NKTR: variants seen among roughly 807,000 people sequenced by gnomAD.
NKTR encodes natural killer cell triggering receptor, also known as NK-tumor recognition protein.
NKTR carries 67 observed loss-of-function variants against 156.3 expected under a neutral mutation model. The ratio of observed to expected loss-of-function variants is 0.43; its 90% CI spans 0.35 to 0.53. The LOEUF (loss-of-function observed/expected upper bound fraction) is 0.53. Ranked by LOEUF, NKTR falls within the 20% of genes least tolerant of loss-of-function variation. NKTR has a pLI of 0.01. For synonymous variants in NKTR, 640 were observed against 596.6 expected, an observed-to-expected ratio of 1.07 and a Z score of -1.06; for missense variants, 1,604 against 1,730.9, an observed-to-expected ratio of 0.93 and a Z score of 1.30.
intron 2 of NKTR, among the ~76,000 whole-genome samples, chr3:42,615,618 C>G (rs2125776315): frequency 6.6e-6 from 1 of 152,210 alleles, no homozygotes; most frequent in East Asian, 1.9e-4. Context: ...GTTGAAGTTA[C>G]TGTGGCCCTA....
At chr3:42,603,615 C>T (rs757503878) in intron 2 of NKTR, among the ~76,000 whole-genome samples, 17 of 151,892 alleles carry the variant, frequency 1.1e-4, no homozygotes, top group Non-Finnish European at 2.4e-4. Flanking sequence ...CAAGGAAATG[C>T]AATGCTTACA....
intron 6 of NKTR, chr3:42,630,277 C>G (rs1350809947): frequency 8.4e-7 from 1 of 1,189,708 alleles, no homozygotes; most frequent in South Asian, 4.0e-5. Flanking sequence ...TTTATGGCTA[C>G]AAGTCAAACT....
intron 16 of NKTR, among the ~76,000 whole-genome samples, chr3:42,644,433 T>C (rs1448823909): frequency 6.6e-6 from 1 of 152,206 alleles, no homozygotes; most frequent in Non-Finnish European, 1.5e-5. Flanking sequence ...TTTAGTAAAA[T>C]ACATTTTTTA....
intron 2 of NKTR, among the ~76,000 whole-genome samples, chr3:42,614,357 A>T (rs1045692409): frequency 6.6e-6 from 1 of 151,902 alleles, no homozygotes; most frequent in African/African-American, 2.4e-5. Flanking sequence ...TTTTATCTTC[A>T]ATATGTTTTG....
chr3:42,622,167 A>G (rs763843739), intron 6 of NKTR, among the ~76,000 whole-genome samples: 2 of 152,108 alleles, frequency 1.3e-5, no homozygotes, highest in Non-Finnish European at 2.9e-5. Flanking sequence ...TGAAAAAGCA[A>G]ATATATTTAC....
chr3:42,628,689 T>C, intron 6 of NKTR: 1 of 985,370 alleles, frequency 1.0e-6, no homozygotes, highest in Non-Finnish European at 1.2e-6. Context: ...CCTTACACTG[T>C]AGAAAAATTT....
rs1039138786 is a variant in NKTR, at chr3:42,632,643, C to T, written c.593C>T (p.Ser198Leu). The change falls in exon 9 of 17, where the codon TCG becomes TTG. Residue 198 changes from serine to leucine, a missense_variant. This residue lies in a region of NKTR where 1,255 missense variants were observed against 1,243.7 expected (regional missense o/e 1.01). Transcript: ENST00000232978. The part of the protein sequence containing the change: ...KRKKPTHSEG[S>L]DSSSNSSSSS... ...AAGAAACCAACTCATTCAGAAGGCTCGGATTCCTCTTCCAATTCCTCCTCT... is the reference window on the plus strand; with the variant it reads ...AAGAAACCAACTCATTCAGAAGGCTTGGATTCCTCTTCCAATTCCTCCTCT... 7 of 1,613,746 alleles carry T rather than the reference C, an allele frequency of 4.3e-6. No individual in the cohort carries two copies. The highest frequency in any genetic ancestry group is 5.1e-6 in the Non-Finnish European group (6 of 1,179,846).
In NKTR at chr3:42,632,602, T is replaced by C. The variant is rs145304188; in HGVS notation, c.552T>C (p.Val184=). The C allele has an allele frequency of 4.0e-4, 637 of 1,593,394 alleles. 3 individuals carry two copies. The African/African-American group carries it at 7.2e-3, about 18-fold the overall frequency. ...GTTTTTATTAATGTTTCTTAAAAGTTTTTGAGAAAAAAAGGAAGAAACCAA... is the reference window on the plus strand; with the variant it reads ...GTTTTTATTAATGTTTCTTAAAAGTCTTTGAGAAAAAAAGGAAGAAACCAA... ...GVLATKSIKD[V]FEKKRKKPTH... is the part of the protein sequence containing the mutation. Residue 184 remains valine (V), a splice_region_variant and synonymous_variant, in exon 9 of 17, where the codon GTT becomes GTC. Transcript: ENST00000232978.
rs1348713605 is a variant in NKTR at position 42,635,288 on chromosome 3, C to G, written c.1085C>G (p.Pro362Arg). 6.2e-7 allele frequency: 1 copy of G among 1,611,922 alleles called. No individual in the cohort carries two copies. Among genetic ancestry groups the G allele is most frequent in the Non-Finnish European group, 8.5e-7 (1 of 1,178,204 alleles). The part of the protein sequence containing the change: ...ESDDDDSSET[P>R]PHWKEEMQRL... ...GATGATGATGACAGCAGTGAAACTC[C>G]TCCTCACTGGAAAGAGGAAATGCAG... Residue 362 changes from proline (P) to arginine (R), a missense_variant, in exon 12 of 17, where the codon CCT becomes CGT. By Grantham distance (103) the Pro-to-Arg change is moderately radical. Coordinates refer to ENST00000232978, the MANE Select transcript of NKTR (RefSeq NM_005385.4).
intron 2 of NKTR, among the ~76,000 whole-genome samples, chr3:42,615,544 T>A (rs1226891819): frequency 6.6e-6 from 1 of 152,194 alleles, no homozygotes; most frequent in African/African-American, 2.4e-5. Context: ...TTTGAAACTT[T>A]GAACAGCTTT....
At chr3:42,645,561 G>A (rs905155816) in intron 16 of NKTR, among the ~76,000 whole-genome samples, 17 of 152,142 alleles carry the variant, frequency 1.1e-4, no homozygotes, top group African/African-American at 3.1e-4. Context: ...GCGGGCACCT[G>A]TAATTGCAGC....
intron 11 of NKTR, 21 bp from the exon 12 acceptor site, chr3:42,635,197 ATAC>A: frequency 6.2e-7 from 1 of 1,602,510 alleles, no homozygotes. Flanking sequence ...ATTTTTTAAA[ATAC>A]TATTGTTTTT....
rs551424112 is a variant in NKTR, at chr3:42,633,243, T to C, written c.774-337T>C. On this transcript the variant is annotated intron_variant, in intron 9 of 16. Transcript: ENST00000232978. ...TTTGTAGAGACAGGGTCTTCCGCTA[T>C]GTTGACCAGGCTGGTCTCTGACTCC... 70 of 572,162 alleles carry C rather than the reference T, an allele frequency of 1.2e-4. No individual in the cohort carries two copies. The African/African-American group carries it at 1.4e-3, about 11-fold the overall frequency. 35.4% of individuals were successfully genotyped at this position (572,162 alleles called of 1,614,324 possible). A position where few individuals can be genotyped will look rare whatever the true frequency, so the allele number is the denominator to read the frequency against.
At chr3:42,608,383 C>T (rs1277824104) in intron 2 of NKTR, among the ~76,000 whole-genome samples, 1 of 152,080 alleles carries the variant, frequency 6.6e-6, no homozygotes, top group Non-Finnish European at 1.5e-5. Flanking sequence ...AGCCAGTTTG[C>T]TTACTATTAC....
intron 2 of NKTR, among the ~76,000 whole-genome samples, chr3:42,608,029 A>G (rs1706406936): frequency 1.0e-5 from 1 of 96,698 alleles, no homozygotes; most frequent in South Asian, 3.4e-4. Flanking sequence ...CCTTCTTGTC[A>G]CCCAGGCTGG....
Position 42,603,457 on chromosome 3 carries a change from A to G in NKTR, c.58+2393A>G, listed in dbSNP as rs75143119. On this transcript the variant is annotated intron_variant, in intron 2 of 16. Coordinates refer to ENST00000232978, the MANE Select transcript of NKTR (RefSeq NM_005385.4). ...CTTTCCTAGTAAATGTTCAGATCCT[A>G]GATTTGCACATAACCTGTGTTGTGA... 4.6e-3 allele frequency among the ~76,000 whole-genome samples: 698 copies of G among 152,074 alleles called. 9 individuals are homozygous for G. Among genetic ancestry groups the G allele is most frequent in the East Asian group, 0.04 (205 of 5,170 alleles).
At chr3:42,619,764 G>C in intron 5 of NKTR, 56 bp downstream of exon 5, 1 of 1,596,148 alleles carries the variant, frequency 6.3e-7, no homozygotes, top group Non-Finnish European at 8.5e-7. Flanking sequence ...AAGCAAGTTT[G>C]ATCATATACT....
rs773037322 is a variant in NKTR, at chr3:42,639,609, C to T, written c.3905C>T (p.Thr1302Met). ...CAGGAGAGTTCAAGTGATGAGCAGA[C>T]GCCTAGTCGGGATGATGATAGCCAG... ...RNQESSSDEQTPSRDDDSQSR... is the reference protein window; with the variant it reads ...RNQESSSDEQMPSRDDDSQSR... The change falls in exon 13 of 17, where the codon ACG becomes ATG. Residue 1302 changes from threonine (T) to methionine (M), a missense_variant. Physicochemically the swap from Thr to Met is moderately conservative, Grantham distance 81. Around this residue, in one of 6 missense-constraint regions of NKTR, gnomAD observed 193 missense variants for 220.2 expected, o/e 0.88. Transcript: ENST00000232978. 38 of 1,614,086 alleles carry T rather than the reference C, an allele frequency of 2.4e-5. No individual in the cohort carries two copies. Among genetic ancestry groups the T allele is most frequent in the Admixed American group, 1.2e-4 (7 of 60,018 alleles).
At chr3:42,640,033 G>A (rs1709748430) in intron 13 of NKTR, among the ~76,000 whole-genome samples, 1 of 152,184 alleles carries the variant, frequency 6.6e-6, no homozygotes, top group Non-Finnish European at 1.5e-5. Context: ...CTTTAAAGGT[G>A]TGAGGCTGCT....
Sources: allele counts gnomAD v4.1 joint callset (sites outside exome capture counted in the v4.1 genomes callset), GRCh38; gene constraint gnomAD v4.1.1; regional missense constraint gnomAD v4.1.1; transcripts MANE v1.5; gene names NCBI Gene and HGNC (gene_info 2026-07-23, HGNC 2026-07-21).